The following ITGA8 variants were observed in gnomAD, a reference collection of about 807,000 sequenced individuals.
ITGA8 encodes integrin subunit alpha 8.
Under a neutral mutation model 142.3 loss-of-function variants are expected in ITGA8, and 91 were observed. The observed-to-expected ratio is 0.64, with a 90% CI of 0.54 to 0.76. The LOEUF is 0.76. Among genes scored for constraint, ITGA8 ranks in the 30% least tolerant of loss-of-function variants. The pLI is 0.00. For missense variants in ITGA8, 1,406 were observed against 1,327.7 expected, an observed-to-expected ratio of 1.06 and a Z score of -0.92; for synonymous variants, 505 against 485.2, an observed-to-expected ratio of 1.04 and a Z score of -0.54.
chr10:15,633,757 C>G (rs1017777975), intron 13 of ITGA8, among the ~76,000 whole-genome samples: 1 of 152,126 alleles, frequency 6.6e-6, no homozygotes. Context: ...ATTACATAGT[C>G]CTAGAAATCT....
chr10:15,707,561 A>G (rs1422344506), intron 2 of ITGA8, among the ~76,000 whole-genome samples: 1 of 152,118 alleles, frequency 6.6e-6, no homozygotes, highest in Non-Finnish European at 1.5e-5. Context: ...AGTGGCTCAC[A>G]CCTTTAATCC....
At chr10:15,614,491 T>C (rs192446763) in intron 14 of ITGA8, among the ~76,000 whole-genome samples, 36 of 152,294 alleles carry the variant, frequency 2.4e-4, no homozygotes, top group African/African-American at 7.7e-4. Flanking sequence ...GATTATAATA[T>C]GTAGCCAAAT....
At chr10:15,524,846 A>G (rs1833138625) in intron 28 of ITGA8, among the ~76,000 whole-genome samples, 1 of 152,216 alleles carries the variant, frequency 6.6e-6, no homozygotes, top group Admixed American at 6.5e-5. Context: ...TCTAATATCT[A>G]TATTTGTCTT....
intron 11 of ITGA8, among the ~76,000 whole-genome samples, chr10:15,653,235 C>T (rs751535486): frequency 6.6e-6 from 1 of 152,182 alleles, no homozygotes; most frequent in African/African-American, 2.4e-5. Context: ...TAGGTGTTTC[C>T]TTAGCTGGAC....
Position 15,575,554 on chromosome 10 carries a change from AG to A in ITGA8, c.2412del (p.Trp805GlyfsTer74). The A allele has an allele frequency of 1.9e-6, 3 of 1,614,046 alleles. No homozygotes were observed. Among genetic ancestry groups the A allele is most frequent in the Non-Finnish European group, 2.5e-6 (3 of 1,179,934 alleles). ...HPPQIVLPIH[N>X]WEPEEEPHKE... ...TTGTGGGGCTCCTCTTCTGGTTCCC[AG>A]TTATGAATGGGCAGAACAATCTGCG... On this transcript the variant is annotated frameshift_variant, in exon 24 of 30. Transcript: ENST00000378076. LOFTEE classifies it high-confidence loss of function.
intron 12 of ITGA8, among the ~76,000 whole-genome samples, chr10:15,645,846 A>G (rs1270490303): frequency 6.6e-6 from 1 of 152,138 alleles, no homozygotes; most frequent in Non-Finnish European, 1.5e-5. Flanking sequence ...TGTTTTTCTG[A>G]GGAGAGGGTA....
chr10:15,695,670 C>T (rs1210547439), intron 2 of ITGA8, among the ~76,000 whole-genome samples: 3 of 152,120 alleles, frequency 2.0e-5, no homozygotes, highest in African/African-American at 4.8e-5. Flanking sequence ...CTCTTTATGG[C>T]AAGGACTGAA....
chr10:15,675,754 T>G (rs1351059106), intron 6 of ITGA8, among the ~76,000 whole-genome samples: 1 of 152,212 alleles, frequency 6.6e-6, no homozygotes, highest in Non-Finnish European at 1.5e-5. Flanking sequence ...GCTAAAGCCA[T>G]CTATTTAAAC....
chr10:15,677,595 G>T lies in ITGA8; in HGVS notation c.673C>A (p.Gln225Lys). 1 of 1,613,194 alleles carries T rather than the reference G, an allele frequency of 6.2e-7. No homozygotes were observed. Among genetic ancestry groups the T allele is most frequent in the Non-Finnish European group, 8.5e-7 (1 of 1,179,530 alleles). ...CTTGTCTGCCAACAGAACATACCTTGCCAGTAGAAACTCCCAGGTCCTCCC... is the reference window on the plus strand; with the variant it reads ...CTTGTCTGCCAACAGAACATACCTTTCCAGTAGAAACTCCCAGGTCCTCCC... ...IVGGPGSFYWQGQVITASVAD... is the reference protein window; with the variant it reads ...IVGGPGSFYWKGQVITASVAD... Residue 225 changes from glutamine to lysine, a missense_variant, in exon 6 of 30, where the codon CAA (glutamine) becomes AAA (lysine). Gln to Lys is a moderately conservative substitution (Grantham distance 53). Coordinates refer to ENST00000378076, the MANE Select transcript of ITGA8 (RefSeq NM_003638.3).
At position 15,515,494 on chromosome 10, in the gene ITGA8, C is replaced by T. The variant is rs1832950061; in HGVS notation, c.*1664G>A. 1 of 152,040 alleles carries T rather than the reference C, an allele frequency of 6.6e-6. No individual in the cohort carries two copies. Among genetic ancestry groups the T allele is most frequent in the Non-Finnish European group, 1.5e-5 (1 of 68,002 alleles). The allele number at this position is 152,040 out of a possible 1,614,324, so 9.4% of individuals were successfully genotyped here. A position where few individuals can be genotyped will look rare whatever the true frequency, so the allele number is the denominator to read the frequency against. On this transcript the variant is annotated 3_prime_UTR_variant, in exon 30 of 30. Transcript: ENST00000378076. ...AAATTTAGTGTCTGTGAGCTTGGCT[C>T]ATCTTTCAAACAAAGCGTGATTGTT...
intron 2 of ITGA8, among the ~76,000 whole-genome samples, chr10:15,703,879 A>C (rs551164552): frequency 6.6e-6 from 1 of 151,998 alleles, no homozygotes; most frequent in Non-Finnish European, 1.5e-5. Flanking sequence ...ATTCAAGCAC[A>C]TGAGTCCTTA....
At chr10:15,613,032 G>A (rs775829902) in intron 15 of ITGA8, among the ~76,000 whole-genome samples, 4 of 152,130 alleles carry the variant, frequency 2.6e-5, no homozygotes, top group Non-Finnish European at 4.4e-5. Context: ...ATGATGGTGG[G>A]TGCCTGTAAT....
intron 2 of ITGA8, among the ~76,000 whole-genome samples, chr10:15,716,767 T>A (rs566881175): frequency 6.7e-6 from 1 of 149,096 alleles, no homozygotes; most frequent in African/African-American, 2.5e-5. Context: ...CCCTCCTGGG[T>A]TCAAGCAATT....
At chr10:15,563,925 A>AC (rs988777505) in intron 25 of ITGA8, among the ~76,000 whole-genome samples, 48 of 128,838 alleles carry the variant, frequency 3.7e-4, no homozygotes, top group African/African-American at 1.5e-3. Context: ...CTCCAAAAAA[A>AC]AAAAAAACAA....
At chr10:15,672,174 A>G (rs576228744) in intron 7 of ITGA8, among the ~76,000 whole-genome samples, 1 of 152,326 alleles carries the variant, frequency 6.6e-6, no homozygotes, top group East Asian at 1.9e-4. Context: ...TTTCAAATTC[A>G]TCAAGCAATC....
chr10:15,694,351 T>TCA (rs1291609764), intron 2 of ITGA8, among the ~76,000 whole-genome samples: 19 of 120,876 alleles, frequency 1.6e-4, no homozygotes, highest in East Asian at 6.7e-4. Context: ...AGATAATATA[T>TCA]CATATATCAG....
chr10:15,597,327 G>C lies in ITGA8; in HGVS notation c.2119-28C>G, dbSNP rs1401264577. 3.2e-6 allele frequency: 5 copies of C among 1,575,238 alleles called. No individual in the cohort carries two copies. The East Asian group carries it at 1.1e-4, about 35-fold the overall frequency. ...ACAATTGCAAAGAACAGGGGGTTTA[G>C]GGGGCAGGATAAATGACATCCTGAC... On this transcript the variant is annotated intron_variant, in intron 20 of 29. Transcript: ENST00000378076.
intron 2 of ITGA8, among the ~76,000 whole-genome samples, chr10:15,707,450 T>C (rs1161236542): frequency 6.6e-6 from 1 of 152,102 alleles, no homozygotes; most frequent in Admixed American, 6.6e-5. Context: ...TCCCAAGAGC[T>C]TCCAGAAGGA....
chr10:15,650,299 G>T (rs1834062449), intron 11 of ITGA8, among the ~76,000 whole-genome samples: 1 of 152,160 alleles, frequency 6.6e-6, no homozygotes, highest in Non-Finnish European at 1.5e-5. Context: ...GTGTGCATAA[G>T]TTACTATGCT....
Sources: gnomAD v4.1 joint callset for allele counts (sites outside exome capture counted in the v4.1 genomes callset) on GRCh38, gnomAD v4.1.1 for gene constraint, MANE v1.5 for transcripts, NCBI Gene and HGNC (gene_info 2026-07-23, HGNC 2026-07-21) for gene names.